PEG3: variants seen among roughly 807,000 people sequenced by gnomAD.
PEG3 encodes the protein paternally expressed 3, also known as paternally-expressed gene 3 protein.
PEG3 carries 23 observed loss-of-function variants against 35.5 expected under a neutral mutation model. That is an observed-to-expected ratio of 0.65 (90% confidence interval 0.47 to 0.92). The LOEUF (loss-of-function observed/expected upper bound fraction) is 0.92. Ranked by LOEUF, PEG3 falls within the 40% of genes least tolerant of loss-of-function variation. The pLI is 0.00. For synonymous variants in PEG3, 707 were observed against 697.0 expected (o/e 1.01, Z -0.23); for missense variants, 1,960 against 1,985.3 (o/e 0.99, Z 0.24).
At position 56,817,125 on chromosome 19, in the gene PEG3, A is replaced by T. The variant is rs2060048406; in HGVS notation, c.1317T>A (p.Phe439Leu). ...CAAAATCAATTGGCTGTGACTCGGT[A>T]AAGGAGGGGGAGCTGAGGCTGCTCA... is the stretch of plus-strand genomic sequence containing the variant. ...SSLSSLSSPSFTESQPIDFGA... is the reference protein window; with the variant it reads ...SSLSSLSSPSLTESQPIDFGA... Residue 439 changes from phenylalanine to leucine, a missense_variant, in exon 10 of 10, where the codon TTT becomes TTA. By Grantham distance (22) the Phe-to-Leu change is conservative (BLOSUM62 0). Around this residue, in one of 5 missense-constraint regions of PEG3, gnomAD observed 613 missense variants for 577.1 expected, o/e 1.06. Transcript: ENST00000326441. 8 of 1,614,008 alleles carry T rather than the reference A, an allele frequency of 5.0e-6. No homozygotes were observed. Among genetic ancestry groups the T allele is most frequent in the Non-Finnish European group, 6.8e-6 (8 of 1,179,988 alleles).
intron 2 of PEG3, among the ~76,000 whole-genome samples, chr19:56,835,763 G>A (rs928268187): frequency 6.6e-6 from 1 of 152,168 alleles, no homozygotes; most frequent in African/African-American, 2.4e-5. Flanking sequence ...CACCAGGCAA[G>A]AGAAAAAGAG....
Position 56,814,704 on chromosome 19 carries a change from A to G in PEG3, c.3738T>C (p.Leu1246=). 1.2e-6 allele frequency: 2 copies of G among 1,614,074 alleles called. No homozygotes were observed. Among genetic ancestry groups the G allele is most frequent in the Non-Finnish European group, 1.7e-6 (2 of 1,179,962 alleles). The change falls in exon 10 of 10, where the codon CTT becomes CTC. Residue 1246 remains leucine (L), a synonymous_variant. Transcript: ENST00000326441. This position sits in a 1 kb window ranked among gnomAD's most constrained non-coding sequence, Gnocchi z 5.8. ...GCTCCAGTAAATCATCTTCCCTATG[A>G]AGTCTCATATGCTCATTAAGGGCAG... is the stretch of plus-strand genomic sequence containing the variant. The part of the protein sequence containing the change: ...HSSALNEHMR[L]HREDDLLEQS...
chr19:56,834,931 C>T (rs921153724), intron 2 of PEG3, among the ~76,000 whole-genome samples: 1 of 152,198 alleles, frequency 6.6e-6, no homozygotes, highest in Non-Finnish European at 1.5e-5. Context: ...GGCCCAGTAT[C>T]AATGCTTGCT....
rs181195047 is a variant in PEG3, at chr19:56,814,688, A to T, written c.3754T>A (p.Leu1252Ile). 5 of 1,614,068 alleles carry T rather than the reference A, an allele frequency of 3.1e-6. No homozygotes were observed. The Admixed American group carries it at 6.7e-5, about 22-fold the overall frequency. The change falls in exon 10 of 10, where the codon TTA becomes ATA. Residue 1252 changes from leucine to isoleucine, a missense_variant. By Grantham distance (5) the Leu-to-Ile change is conservative. This residue lies in a region of PEG3 where 416 missense variants were observed against 416.7 expected (regional missense o/e 1.00). Coordinates refer to ENST00000326441, the MANE Select transcript of PEG3 (RefSeq NM_006210.3). This position sits in a 1 kb window ranked among gnomAD's most constrained non-coding sequence, Gnocchi z 5.8. ...TCAGCCATCTGGCTCTGCTCCAGTA[A>T]ATCATCTTCCCTATGAAGTCTCATA... is the stretch of plus-strand genomic sequence containing the variant. The part of the protein sequence containing the change: ...EHMRLHREDD[L>I]LEQSQMAEEA...
Position 56,811,882 on chromosome 19 carries a change from C to T in PEG3, c.*1793G>A. The T allele has an allele frequency of 8.1e-6, 8 of 985,330 alleles. No homozygotes were observed. The highest frequency in any genetic ancestry group is 9.6e-6 in the Non-Finnish European group (8 of 829,850). The allele number at this position is 985,330 out of a possible 1,614,324, so 61.0% of individuals were successfully genotyped here. A position where few individuals can be genotyped will look rare whatever the true frequency, so the allele number is the denominator to read the frequency against. ...CTCTGGTGTTTTCTTCTGTCTGTCT[C>T]CTCTCCCCTCCTAGATCTGGTGATA... On this transcript the variant is annotated 3_prime_UTR_variant, in exon 10 of 10. Transcript: ENST00000326441.
chr19:56,810,329 C>T lies in PEG3; in HGVS notation c.*3346G>A, dbSNP rs1006214295. The T allele has an allele frequency of 1.0e-6, 1 of 984,882 alleles. No individual in the cohort carries two copies. The highest frequency in any genetic ancestry group is 1.2e-6 in the Non-Finnish European group (1 of 829,454). 61.0% of individuals were successfully genotyped at this position (984,882 alleles called of 1,614,324 possible). ...GTAGTAAAGGTGGACTACCAAAACA[C>T]TAGAATGATGACCTTTCAAGGAAAC... is the stretch of plus-strand genomic sequence containing the variant. On this transcript the variant is annotated 3_prime_UTR_variant, in exon 10 of 10. Coordinates refer to ENST00000326441, the MANE Select transcript of PEG3 (RefSeq NM_006210.3).
In PEG3 at chr19:56,823,553, G is replaced by A. The variant is rs368880481; in HGVS notation, c.481+40C>T. On this transcript the variant is annotated intron_variant, in intron 5 of 9. Transcript: ENST00000326441. ...TCTCCATCTGGAAGCATCTGGCAGC[G>A]CCTGCCCATGGGTGACCAGTGGGGA... The A allele has an allele frequency of 4.2e-5, 68 of 1,611,774 alleles. No individual in the cohort carries two copies. The Admixed American group carries it at 4.3e-4, about 10-fold the overall frequency.
At chr19:56,824,812 C>G in intron 3 of PEG3, 71 bp from the exon 4 acceptor site, 1 of 658,958 alleles carries the variant, frequency 1.5e-6, no homozygotes. Flanking sequence ...GCCACCTTAC[C>G]AGAGGCATCG....
rs1375204945 is a variant in PEG3 at position 56,810,505 on chromosome 19, T to C, written c.*3170A>G. 6.1e-6 allele frequency: 6 copies of C among 984,814 alleles called. No homozygotes were observed. In the African/African-American group the frequency reaches 1.0e-4, roughly 17 times the overall value. The allele number at this position is 984,814 out of a possible 1,614,324, so 61.0% of individuals were successfully genotyped here. ...GATCAAGATGTTAACAGTTAATTGT[T>C]GTTGGGTGTTGGGAATATGTGTGAA... On this transcript the variant is annotated 3_prime_UTR_variant, in exon 10 of 10. Coordinates refer to ENST00000326441, the MANE Select transcript of PEG3 (RefSeq NM_006210.3).
At chr19:56,839,839 CGAT>C (rs1487343526) in intron 1 of PEG3, among the ~76,000 whole-genome samples, 1 of 149,926 alleles carries the variant, frequency 6.7e-6, no homozygotes, top group Non-Finnish European at 1.5e-5. Flanking sequence ...CTTGAGCAGA[CGAT>C]TACGTCCAAT....
chr19:56,824,168 T>C (rs969449615), intron 4 of PEG3, 94 bp downstream of exon 4: 1 of 1,522,488 alleles, frequency 6.6e-7, no homozygotes, highest in Non-Finnish European at 8.8e-7. Context: ...CAGAGAGTTA[T>C]CCAGTCCAGA....
chr19:56,818,000 AT>A (rs2060136813), intron 8 of PEG3, among the ~76,000 whole-genome samples, 165 bp from the exon 9 acceptor site: 1 of 152,124 alleles, frequency 6.6e-6, no homozygotes, highest in Non-Finnish European at 1.5e-5. Context: ...CCTACTATCT[AT>A]TCCCTAATCC....
Position 56,813,912 on chromosome 19 carries a change from G to GC in PEG3, c.4529dup (p.Cys1510TrpfsTer13). On this transcript the variant is annotated frameshift_variant, in exon 10 of 10. Transcript: ENST00000326441. LOFTEE classifies it low-confidence loss of function (END_TRUNC). ...CTGTGCTGGAAGTGAAGGTTTCTGT[G>GC]CATTCATGGCAGTCATAGTATGGTT... is the stretch of plus-strand genomic sequence containing the variant. The GC allele has an allele frequency of 6.2e-7, 1 of 1,614,144 alleles. No individual in the cohort carries two copies. Among genetic ancestry groups the GC allele is most frequent in the Non-Finnish European group, 8.5e-7 (1 of 1,180,010 alleles).
chr19:56,818,779 G>T, intron 7 of PEG3, 77 bp from the exon 8 acceptor site: 1 of 1,511,572 alleles, frequency 6.6e-7, no homozygotes, highest in Non-Finnish European at 9.2e-7. Flanking sequence ...TTGGCAACAT[G>T]GGAGTTACAT....
In PEG3 at chr19:56,812,615, G is replaced by A. The variant is rs1206815316; in HGVS notation, c.*1060C>T. ...CTACTTGTCACTTAAGGCAGGAAGC[G>A]CACAAAGGAAGTGATGAAAGGTTAT... is the stretch of plus-strand genomic sequence containing the variant. On this transcript the variant is annotated 3_prime_UTR_variant, in exon 10 of 10. Transcript: ENST00000326441. 5.1e-6 allele frequency: 5 copies of A among 985,610 alleles called. No individual in the cohort carries two copies. Among genetic ancestry groups the A allele is most frequent in the Admixed American group, 6.1e-5 (1 of 16,280 alleles). 61.1% of individuals were successfully genotyped at this position (985,610 alleles called of 1,614,324 possible).
At position 56,812,888 on chromosome 19, in the gene PEG3, A is replaced by T; in HGVS notation, c.*787T>A. 2.0e-6 allele frequency: 2 copies of T among 985,464 alleles called. No individual in the cohort carries two copies. Among genetic ancestry groups the T allele is most frequent in the Non-Finnish European group, 2.4e-6 (2 of 829,894 alleles). The allele number at this position is 985,464 out of a possible 1,614,324, so 61.0% of individuals were successfully genotyped here. A position where few individuals can be genotyped will look rare whatever the true frequency, so the allele number is the denominator to read the frequency against. On this transcript the variant is annotated 3_prime_UTR_variant, in exon 10 of 10. Transcript: ENST00000326441. ...TGAGAACCACTTCAACAAACATAACATGTGGCAACCAATCAATCTGGGTCA... is the reference window on the plus strand; with the variant it reads ...TGAGAACCACTTCAACAAACATAACTTGTGGCAACCAATCAATCTGGGTCA...
At position 56,816,317 on chromosome 19, in the gene PEG3, G is replaced by A; in HGVS notation, c.2125C>T (p.Arg709Ter). The change falls in exon 10 of 10, where the codon CGA becomes TGA. Residue 709 changes from arginine (R) to a stop codon, truncating the protein, a stop_gained. Coordinates refer to ENST00000326441, the MANE Select transcript of PEG3 (RefSeq NM_006210.3). LOFTEE classifies it low-confidence loss of function (END_TRUNC). ...CCTCTGCCTTCAAAGAGGTTCTTTC[G>A]AGAATGAATTTTCTGATGCTCACTG... is the stretch of plus-strand genomic sequence containing the variant. ...ELSEHQKIHS[R>*]KNLFEGRGYE... 1.2e-6 allele frequency: 2 copies of A among 1,614,066 alleles called. No homozygotes were observed. The highest frequency in any genetic ancestry group is 1.7e-6 in the Non-Finnish European group (2 of 1,179,968).
At chr19:56,819,699 T>C (rs2060294029) in intron 7 of PEG3, among the ~76,000 whole-genome samples, 2 of 152,254 alleles carry the variant, frequency 1.3e-5, no homozygotes, top group African/African-American at 4.8e-5. Context: ...GAAGAGTATC[T>C]ATCTGCTTTG....
chr19:56,811,099 A>AT lies in PEG3; in HGVS notation c.*2575dup, dbSNP rs1308359181. Reference sequence around the variant, plus strand: ...TATGTCTTTGGATGGTGGGGATATGATTTTTTTTCCTCCACTTTTCTGTAT... The same window carrying AT: ...TATGTCTTTGGATGGTGGGGATATGATTTTTTTTTCCTCCACTTTTCTGTAT... On this transcript the variant is annotated 3_prime_UTR_variant, in exon 10 of 10. Coordinates refer to ENST00000326441, the MANE Select transcript of PEG3 (RefSeq NM_006210.3). The AT allele has an allele frequency of 1.4e-5, 14 of 983,346 alleles. No individual in the cohort carries two copies. Among genetic ancestry groups the AT allele is most frequent in the Non-Finnish European group, 1.7e-5 (14 of 828,132 alleles). 60.9% of individuals were successfully genotyped at this position (983,346 alleles called of 1,614,324 possible).
Sources: allele counts gnomAD v4.1 joint callset (sites outside exome capture counted in the v4.1 genomes callset), GRCh38; gene constraint gnomAD v4.1.1; regional missense constraint gnomAD v4.1.1; non-coding constraint Gnocchi (gnomAD v3.1); transcripts MANE v1.5; gene names NCBI Gene and HGNC (gene_info 2026-07-23, HGNC 2026-07-21).